The following FAT3 variants were observed in gnomAD, a reference collection of about 807,000 sequenced individuals.
The protein encoded by FAT3 is FAT atypical cadherin 3, also known as protocadherin Fat 3.
Under a neutral mutation model 310.2 loss-of-function variants are expected in FAT3, and 95 were observed. The observed-to-expected ratio is 0.31, with a 90% confidence interval of 0.26 to 0.36. The LOEUF (loss-of-function observed/expected upper bound fraction) is 0.36. Ranked by LOEUF, FAT3 falls within the 10% of genes least tolerant of loss-of-function variation. The pLI, the probability that FAT3 is intolerant of heterozygous loss-of-function variation, is 1.00. For synonymous variants in FAT3, 2,314 were observed against 2,192.9 expected (o/e 1.06, Z -1.54); for missense variants, 5,408 against 5,715.6 (o/e 0.95, Z 1.74).
At chr11:92,690,662 A>G (rs748270102) in intron 3 of FAT3, among the ~76,000 whole-genome samples, 5 of 152,190 alleles carry the variant, frequency 3.3e-5, no homozygotes, top group Non-Finnish European at 5.9e-5. Flanking sequence ...TTTTTTAAGG[A>G]AATGTGATAC....
In FAT3 at chr11:92,513,121, CA is replaced by C. The variant is rs752761388; in HGVS notation, c.3293-11497del. 5.3e-3 allele frequency among the ~76,000 whole-genome samples: 165 copies of C among 31,180 alleles called. 11 individuals are homozygous for C. The highest frequency in any genetic ancestry group is 4.3e-3 in the African/African-American group (23 of 5,382). 20.5% of individuals were successfully genotyped at this position (31,180 alleles called of 152,430 possible). A position where few individuals can be genotyped will look rare whatever the true frequency, so the allele number is the denominator to read the frequency against. Reference sequence around the variant, plus strand: ...TGGGCGACAGAGCTAGACTCCGTCTCAAAAAAAAAAAAAAAAGATTATCTCC... The same window carrying C: ...TGGGCGACAGAGCTAGACTCCGTCTCAAAAAAAAAAAAAAAGATTATCTCC... On this transcript the variant is annotated intron_variant, in intron 2 of 27. Transcript: ENST00000525166.
chr11:92,270,962 C>G (rs1471857638), intron 1 of FAT3, among the ~76,000 whole-genome samples: 2 of 152,046 alleles, frequency 1.3e-5, no homozygotes, highest in Admixed American at 6.6e-5. Flanking sequence ...ATTAGCAAAG[C>G]CTGTCTGTTT....
At chr11:92,613,729 T>C (rs1940675401) in intron 3 of FAT3, among the ~76,000 whole-genome samples, 1 of 152,138 alleles carries the variant, frequency 6.6e-6, no homozygotes, top group Admixed American at 6.6e-5. Flanking sequence ...CATTGGTGTT[T>C]TGGGAGTAAA....
intron 3 of FAT3, among the ~76,000 whole-genome samples, chr11:92,539,724 T>C (rs1954378403): frequency 6.6e-6 from 1 of 152,204 alleles, no homozygotes; most frequent in Admixed American, 6.6e-5. Flanking sequence ...GAATTATCTG[T>C]GCCCAGGGTT....
At chr11:92,610,553 C>G (rs995089543) in intron 3 of FAT3, among the ~76,000 whole-genome samples, 1 of 152,068 alleles carries the variant, frequency 6.6e-6, no homozygotes, top group African/African-American at 2.4e-5. Context: ...TTTTCTCCTT[C>G]GAAGTTACAG....
At chr11:92,256,580 G>A (rs1200064251) in intron 1 of FAT3, among the ~76,000 whole-genome samples, 2 of 152,036 alleles carry the variant, frequency 1.3e-5, no homozygotes, top group Non-Finnish European at 2.9e-5. Flanking sequence ...GTATCATTTG[G>A]CATGTGTAAA....
At chr11:92,589,049 G>T (rs1591490751) in intron 3 of FAT3, among the ~76,000 whole-genome samples, 1 of 152,054 alleles carries the variant, frequency 6.6e-6, no homozygotes, top group Non-Finnish European at 1.5e-5. Flanking sequence ...ATTAATCAGA[G>T]ACAATGATTT....
In FAT3 at chr11:92,774,038, C is replaced by T. The variant is rs149381905; in HGVS notation, c.4196-3C>T. 1.5e-3 allele frequency: 2,470 copies of T among 1,612,384 alleles called. 35 individuals are homozygous for T. The African/African-American group carries it at 0.029, about 19-fold the overall frequency. On this transcript the variant is annotated splice_region_variant and splice_polypyrimidine_tract_variant and intron_variant, in intron 6 of 27. Transcript: ENST00000525166. ...TAATTTCATGTTTCTGTGAAATCAT[C>T]AGGGGGGAATTTTGACAGCGCTTTT...
chr11:92,600,064 G>T (rs1252123484), intron 3 of FAT3, among the ~76,000 whole-genome samples: 1 of 152,102 alleles, frequency 6.6e-6, no homozygotes, highest in Admixed American at 6.6e-5. Flanking sequence ...TGCTCTCTTT[G>T]CATCCCCTCT....
intron 1 of FAT3, among the ~76,000 whole-genome samples, chr11:92,265,721 G>C (rs1945923176): frequency 6.6e-6 from 1 of 152,030 alleles, no homozygotes; most frequent in Admixed American, 6.6e-5. Flanking sequence ...CTAGCTCATG[G>C]ACAATGTCAT....
chr11:92,315,077 AT>A (rs1026005519), intron 1 of FAT3, among the ~76,000 whole-genome samples: 31 of 152,066 alleles, frequency 2.0e-4, no homozygotes, highest in African/African-American at 7.2e-4. Context: ...CATAAGAAAC[AT>A]TGATACTGAA....
intron 21 of FAT3, among the ~76,000 whole-genome samples, chr11:92,862,383 A>G (rs1332387279): frequency 6.6e-6 from 1 of 152,178 alleles, no homozygotes; most frequent in Admixed American, 6.5e-5. Flanking sequence ...ACCAGAAGAG[A>G]TGTAAGGAGA....
intron 1 of FAT3, among the ~76,000 whole-genome samples, chr11:92,350,893 A>G (rs929862126): frequency 1.7e-4 from 26 of 152,178 alleles, no homozygotes; most frequent in Non-Finnish European, 2.9e-5. Flanking sequence ...CTTGCAGAGT[A>G]TAAGACTGGA....
chr11:92,360,469 AGAAT>A (rs765121997), intron 2 of FAT3, among the ~76,000 whole-genome samples: 86 of 152,202 alleles, frequency 5.7e-4, no homozygotes, highest in Non-Finnish European at 1.1e-3. Context: ...TCCTTCACAA[AGAAT>A]GCATTCTTAT....
intron 20 of FAT3, among the ~76,000 whole-genome samples, chr11:92,858,116 G>C (rs779291463): frequency 3.3e-5 from 5 of 152,208 alleles, no homozygotes; most frequent in Non-Finnish European, 5.9e-5. Flanking sequence ...ACCATGCCTA[G>C]TATGTGCAAG....
At chr11:92,651,357 T>A (rs1204445109) in intron 3 of FAT3, among the ~76,000 whole-genome samples, 1 of 152,190 alleles carries the variant, frequency 6.6e-6, no homozygotes, top group Non-Finnish European at 1.5e-5. Flanking sequence ...TGCAGGCTAC[T>A]TCCCATGAGG....
At chr11:92,694,282 T>C (rs902133693) in intron 3 of FAT3, among the ~76,000 whole-genome samples, 2 of 152,214 alleles carry the variant, frequency 1.3e-5, no homozygotes, top group Admixed American at 1.3e-4. Context: ...TTTCTTGCCT[T>C]TTATTTCATA....
intron 2 of FAT3, among the ~76,000 whole-genome samples, chr11:92,492,482 A>G (rs1952637207): frequency 6.6e-6 from 1 of 152,114 alleles, no homozygotes; most frequent in African/African-American, 2.4e-5. Context: ...AATAATCTAA[A>G]ACAGTGATGT....
chr11:92,561,187 A>G (rs1955211544), intron 3 of FAT3, among the ~76,000 whole-genome samples: 1 of 151,962 alleles, frequency 6.6e-6, no homozygotes, highest in Admixed American at 6.6e-5. Flanking sequence ...TAGTGAATAT[A>G]GCATGGCTGA....
Sources: allele counts gnomAD v4.1 joint callset (sites outside exome capture counted in the v4.1 genomes callset), GRCh38; gene constraint gnomAD v4.1.1; transcripts MANE v1.5; gene names NCBI Gene and HGNC (gene_info 2026-07-23, HGNC 2026-07-21).